Variants in GPHN observed in about 807,000 individuals in gnomAD.
The protein encoded by GPHN is gephyrin.
GPHN carries 17 observed loss-of-function variants against 95.5 expected under a neutral mutation model. The ratio of observed to expected loss-of-function variants is 0.18; its 90% CI spans 0.12 to 0.27. The LOEUF (loss-of-function observed/expected upper bound fraction) is 0.27, where lower values mean the gene tolerates loss of function less well. GPHN is among the 10% of genes least tolerant of loss of function. The pLI is 1.00. For missense variants in GPHN, 660 were observed against 978.1 expected (o/e 0.67, Z 4.34); for synonymous variants, 320 against 322.5 (o/e 0.99, Z 0.08).
At chr14:67,268,225 A>T in the GPHN span, among the ~76,000 whole-genome samples, 149 of 152,238 alleles carry the variant, frequency 9.8e-4, no homozygotes, top group African/African-American at 3.5e-3. Context: ...AGTGCTTAAT[A>T]TTGTCACTTT....
chr14:67,445,943 G>A, the GPHN span: 7 of 457,712 alleles, frequency 1.5e-5, no homozygotes, highest in South Asian at 1.1e-4. Flanking sequence ...TGTGGCTAAT[G>A]TCAAGTCCTT....
At chr14:67,455,016 AT>A in the GPHN span, among the ~76,000 whole-genome samples, 1 of 152,108 alleles carries the variant, frequency 6.6e-6, no homozygotes, top group East Asian at 1.9e-4. Context: ...TGGCTGGCTA[AT>A]TTTTGGATTT....
intron 4 of GPHN, among the ~76,000 whole-genome samples, chr14:66,872,013 T>A (rs1234832352): frequency 6.6e-6 from 1 of 152,224 alleles, no homozygotes; most frequent in African/African-American, 2.4e-5. Context: ...TGTTAGTTTT[T>A]CTTTAAAATG....
At chr14:67,610,419 G>A in the GPHN span, among the ~76,000 whole-genome samples, 1 of 152,086 alleles carries the variant, frequency 6.6e-6, no homozygotes, top group Admixed American at 6.5e-5. Context: ...CATATGACAT[G>A]GTTACAATTA....
At chr14:67,408,340 AAAATAAAATAAAAT>A in the GPHN span, among the ~76,000 whole-genome samples, 156 of 147,274 alleles carry the variant, frequency 1.1e-3, 2 homozygotes, top group South Asian at 0.029. Flanking sequence ...AAAATAAAAT[AAAATAAAATAAAAT>A]AAAAAAAGAA....
intron 9 of GPHN, among the ~76,000 whole-genome samples, chr14:67,017,691 A>T (rs1048111654): frequency 6.6e-6 from 1 of 152,064 alleles, no homozygotes; most frequent in African/African-American, 2.4e-5. Context: ...GGTATAGAAA[A>T]CTTTTATTGG....
intron 11 of GPHN, among the ~76,000 whole-genome samples, chr14:67,061,960 C>G (rs1479731864): frequency 1.3e-5 from 2 of 152,182 alleles, no homozygotes; most frequent in African/African-American, 2.4e-5. Flanking sequence ...TTCCCCCTTT[C>G]CCTAGCTGAG....
intron 6 of GPHN, among the ~76,000 whole-genome samples, chr14:66,920,552 A>G (rs2066165346): frequency 1.3e-5 from 2 of 149,842 alleles, no homozygotes; most frequent in Non-Finnish European, 3.0e-5. Context: ...TTTTTAGAGA[A>G]TGAATCTGAT....
chr14:66,601,998 T>C (rs2062269060), intron 1 of GPHN, among the ~76,000 whole-genome samples: 1 of 152,000 alleles, frequency 6.6e-6, no homozygotes, highest in African/African-American at 2.4e-5. Context: ...TGGGCTGATT[T>C]ATCATAGGTG....
the GPHN span, among the ~76,000 whole-genome samples, chr14:67,449,346 G>A: frequency 6.6e-6 from 1 of 152,306 alleles, no homozygotes; most frequent in East Asian, 1.9e-4. Context: ...GCCAGCCTCT[G>A]CCCTCTCAGA....
At chr14:66,790,160 T>C (rs1009303504) in intron 3 of GPHN, among the ~76,000 whole-genome samples, 1 of 152,198 alleles carries the variant, frequency 6.6e-6, no homozygotes, top group Admixed American at 6.5e-5. Flanking sequence ...AAAGTTTTTT[T>C]AAAAATCTCT....
intron 3 of GPHN, among the ~76,000 whole-genome samples, chr14:66,803,675 A>G (rs1486786768): frequency 6.6e-6 from 1 of 151,588 alleles, no homozygotes; most frequent in Non-Finnish European, 1.5e-5. Context: ...GTGGCTTTTT[A>G]TATTTTTCCT....
the GPHN span, among the ~76,000 whole-genome samples, chr14:67,253,568 GGC>G: frequency 6.6e-6 from 1 of 152,196 alleles, no homozygotes; most frequent in Admixed American, 6.5e-5. Context: ...AGTTAGGCCA[GGC>G]GCAGCAGCTT....
the GPHN span, among the ~76,000 whole-genome samples, chr14:67,328,488 C>T: frequency 6.6e-6 from 1 of 152,096 alleles, no homozygotes; most frequent in South Asian, 2.1e-4. Context: ...TTAATTAGAT[C>T]CCATTTGTCA....
chr14:67,363,350 C>T, the GPHN span, among the ~76,000 whole-genome samples: 2 of 152,004 alleles, frequency 1.3e-5, no homozygotes, highest in Non-Finnish European at 2.9e-5. Flanking sequence ...AGAAATACAT[C>T]TCTGCTACTG....
chr14:67,119,448 T>TA lies in GPHN; in HGVS notation c.1627-2806dup, dbSNP rs2078881909. Among the ~76,000 whole-genome samples the TA allele has an allele frequency of 2.0e-5, 3 of 152,266 alleles. No individual in the cohort carries two copies. The South Asian group carries it at 6.2e-4, about 32-fold the overall frequency. On this transcript the variant is annotated intron_variant, in intron 16 of 22. Coordinates refer to ENST00000478722, the MANE Select transcript of GPHN (RefSeq NM_020806.5). Reference sequence around the variant, plus strand: ...AGGAAGAGATGGATTAGAATATTCTTAATGATTGAGGCTTTTGGGAAGAGT... The same window carrying TA: ...AGGAAGAGATGGATTAGAATATTCTTAAATGATTGAGGCTTTTGGGAAGAGT...
At chr14:67,447,629 C>T in the GPHN span, 1 of 152,166 alleles carries the variant, frequency 6.6e-6, no homozygotes, top group Non-Finnish European at 1.5e-5. Flanking sequence ...GACCACTTCT[C>T]CTATAGCCAC....
chr14:67,291,134 A>C, the GPHN span, among the ~76,000 whole-genome samples: 1 of 152,190 alleles, frequency 6.6e-6, no homozygotes, highest in Non-Finnish European at 1.5e-5. Flanking sequence ...AGGTAAATGG[A>C]AATATTGGAA....
chr14:67,049,867 T>G (rs2075227423), intron 10 of GPHN, among the ~76,000 whole-genome samples: 1 of 152,172 alleles, frequency 6.6e-6, no homozygotes, highest in African/African-American at 2.4e-5. Context: ...GGGGTGAGTC[T>G]TGAGTGGGAA....
Sources: allele counts gnomAD v4.1 joint callset (sites outside exome capture counted in the v4.1 genomes callset), GRCh38; gene constraint gnomAD v4.1.1; transcripts MANE v1.5; gene names NCBI Gene and HGNC (gene_info 2026-07-23, HGNC 2026-07-21).